The following FAM135B variants were observed in gnomAD, a reference collection of about 807,000 sequenced individuals.
FAM135B encodes family with sequence similarity 135 member B.
A neutral mutation model predicts 127.7 loss-of-function variants in FAM135B; 43 were observed. The ratio of observed to expected loss-of-function variants is 0.34; its 90% CI spans 0.26 to 0.43. The LOEUF (loss-of-function observed/expected upper bound fraction) is 0.43. Ranked by LOEUF, FAM135B falls within the 20% of genes least tolerant of loss-of-function variation. The probability of loss-of-function intolerance (pLI) is 1.00; values close to 1 mark genes in which losing one functional copy is unlikely to be tolerated. For missense variants in FAM135B, 1,558 were observed against 1,725.6 expected (o/e 0.90, Z 1.72); for synonymous variants, 670 against 665.1 (o/e 1.01, Z -0.11).
chr8:138,364,398 A>G (rs1403246507), intron 2 of FAM135B, among the ~76,000 whole-genome samples: 1 of 152,186 alleles, frequency 6.6e-6, no homozygotes, highest in East Asian at 1.9e-4. Flanking sequence ...AGACATCATT[A>G]CAAAACAGTG....
chr8:138,132,576 C>A lies in FAM135B; in HGVS notation c.*17G>T, dbSNP rs2130480048. ...ACCGATCGTAAGCATTACCAAAGAC[C>A]TGCTCCCTCAAAGCCACTACTTGAA... is the stretch of plus-strand genomic sequence containing the variant. On this transcript the variant is annotated 3_prime_UTR_variant, in exon 20 of 20. Transcript: ENST00000395297. The surrounding 1 kb of genome is among the most constrained non-coding windows in gnomAD (Gnocchi z 4.5). 1 of 1,606,946 alleles carries A rather than the reference C, an allele frequency of 6.2e-7. No individual in the cohort carries two copies. The highest frequency in any genetic ancestry group is 8.5e-7 in the Non-Finnish European group (1 of 1,173,590).
intron 19 of FAM135B, among the ~76,000 whole-genome samples, chr8:138,134,170 A>G (rs1168756823): frequency 6.6e-6 from 1 of 152,198 alleles, no homozygotes; most frequent in Admixed American, 6.5e-5. Flanking sequence ...ATAGTTAAGT[A>G]AACCATGCTT....
rs1354320884 is a variant in FAM135B at position 138,474,967 on chromosome 8, C to A, written c.-20+21704G>T. Among the ~76,000 whole-genome samples, 9 of 152,304 alleles carry A rather than the reference C, an allele frequency of 5.9e-5. No individual in the cohort carries two copies. The East Asian group carries it at 1.4e-3, about 23-fold the overall frequency. On this transcript the variant is annotated intron_variant, in intron 1 of 19. Coordinates refer to ENST00000395297, the MANE Select transcript of FAM135B (RefSeq NM_015912.4). ...TTCATTGTCAGCCTCTTGCAGGATG[C>A]TTTTCCAGACCTGTCTGTGACACGC...
In FAM135B at chr8:138,139,022, G is replaced by A. The variant is rs2130564248; in HGVS notation, c.3865C>T (p.Arg1289Cys). ...QLTFRDNADL[R>C]KCFLYQLSQK... is the part of the protein sequence containing the mutation. ...CTTAGTTGGTAGAGGAAACATTTGC[G>A]CAAATCAGCATTATCCCTGAAGGTC... Residue 1289 changes from arginine to cysteine, a missense_variant, in exon 18 of 20, where the codon CGC (arginine) becomes TGC (cysteine). Arg to Cys is a radical substitution (Grantham distance 180). This residue lies in a region of FAM135B where 194 missense variants were observed against 333.8 expected (regional missense o/e 0.58). Transcript: ENST00000395297. 6 of 1,613,652 alleles carry A rather than the reference G, an allele frequency of 3.7e-6. No individual in the cohort carries two copies. Among genetic ancestry groups the A allele is most frequent in the East Asian group, 2.2e-5 (1 of 44,874 alleles).
At chr8:138,230,117 C>T (rs548622652) in intron 7 of FAM135B, among the ~76,000 whole-genome samples, 117 of 152,290 alleles carry the variant, frequency 7.7e-4, no homozygotes, top group African/African-American at 2.5e-3. Context: ...AAACTAACTA[C>T]AAGAAAGGCT....
intron 12 of FAM135B, among the ~76,000 whole-genome samples, chr8:138,163,319 G>C (rs1178412631): frequency 6.6e-6 from 1 of 152,126 alleles, no homozygotes; most frequent in Non-Finnish European, 1.5e-5. Context: ...AATTGTCTTG[G>C]GATAGAGAGG....
At chr8:138,266,950 T>A (rs180824358) in intron 3 of FAM135B, among the ~76,000 whole-genome samples, 11 of 152,284 alleles carry the variant, frequency 7.2e-5, no homozygotes, top group African/African-American at 2.6e-4. Context: ...GCTTTTCAAT[T>A]GTGGTTACTT....
At chr8:138,348,127 CTTTTTTTTT>C (rs58289442) in intron 2 of FAM135B, among the ~76,000 whole-genome samples, 1 of 52,840 alleles carries the variant, frequency 1.9e-5, no homozygotes, top group Admixed American at 3.1e-4. Flanking sequence ...TTTTCCTCCT[CTTTTTTTTT>C]TTTTTTTTTT....
rs548021082 is a variant in FAM135B, at chr8:138,270,226, T to C, written c.158-4384A>G. Among the ~76,000 whole-genome samples the C allele has an allele frequency of 4.1e-4, 63 of 152,286 alleles. No individual in the cohort carries two copies. In the South Asian group the frequency reaches 0.013, roughly 31 times the overall value. Reference sequence around the variant, plus strand: ...TAAGAAACCAGGAACTCCTGGGAGATAGGCAACCATGGTCTTGATGACTTT... The same window carrying C: ...TAAGAAACCAGGAACTCCTGGGAGACAGGCAACCATGGTCTTGATGACTTT... On this transcript the variant is annotated intron_variant, in intron 3 of 19. Coordinates refer to ENST00000395297, the MANE Select transcript of FAM135B (RefSeq NM_015912.4).
At chr8:138,474,116 A>G (rs1411840471) in intron 1 of FAM135B, among the ~76,000 whole-genome samples, 3 of 152,198 alleles carry the variant, frequency 2.0e-5, no homozygotes, top group African/African-American at 7.2e-5. Flanking sequence ...TAGTCAACAG[A>G]AAACAATTAT....
intron 12 of FAM135B, among the ~76,000 whole-genome samples, 174 bp from the exon 13 acceptor site, chr8:138,153,390 T>G (rs1413890342): frequency 6.6e-6 from 1 of 151,950 alleles, no homozygotes; most frequent in Admixed American, 6.6e-5. Context: ...AGAAGACGGG[T>G]GATTTCTGCA....
chr8:138,480,973 T>C (rs1222088284), intron 1 of FAM135B, among the ~76,000 whole-genome samples: 1 of 152,216 alleles, frequency 6.6e-6, no homozygotes, highest in Non-Finnish European at 1.5e-5. Context: ...GAGAAAACCC[T>C]TGTCTGTTGA....
intron 1 of FAM135B, among the ~76,000 whole-genome samples, chr8:138,462,960 G>C (rs1327560722): frequency 6.6e-6 from 1 of 152,086 alleles, no homozygotes; most frequent in Non-Finnish European, 1.5e-5. Context: ...ACTAACAGCA[G>C]GCTATTTACA....
chr8:138,363,313 C>T (rs558763235), intron 2 of FAM135B, among the ~76,000 whole-genome samples: 9 of 152,208 alleles, frequency 5.9e-5, no homozygotes, highest in South Asian at 4.1e-4. Flanking sequence ...TAATTAATGC[C>T]GTAAACTTTC....
intron 7 of FAM135B, among the ~76,000 whole-genome samples, chr8:138,224,919 G>T (rs1819298893): frequency 1.3e-5 from 2 of 152,146 alleles, no homozygotes; most frequent in South Asian, 4.1e-4. Context: ...GCTGGGCAGA[G>T]GTGGGGAGAA....
At chr8:138,485,405 G>C (rs759034437) in intron 1 of FAM135B, among the ~76,000 whole-genome samples, 14 of 152,134 alleles carry the variant, frequency 9.2e-5, no homozygotes, top group Non-Finnish European at 1.6e-4. Flanking sequence ...TTTTCAGAGT[G>C]GAATGACAAT....
chr8:138,456,374 T>G (rs756402422), intron 1 of FAM135B, among the ~76,000 whole-genome samples: 1 of 152,248 alleles, frequency 6.6e-6, no homozygotes, highest in Non-Finnish European at 1.5e-5. Context: ...ATTTGCAATT[T>G]GCCAAAAACA....
chr8:138,234,992 AC>A (rs1322041280), intron 7 of FAM135B, among the ~76,000 whole-genome samples: 1 of 152,150 alleles, frequency 6.6e-6, no homozygotes, highest in African/African-American at 2.4e-5. Flanking sequence ...GTATTTTTGC[AC>A]CTGTTTGTAT....
At chr8:138,150,338 T>C (rs1213631113) in intron 13 of FAM135B, among the ~76,000 whole-genome samples, 1 of 152,204 alleles carries the variant, frequency 6.6e-6, no homozygotes, top group Non-Finnish European at 1.5e-5. Flanking sequence ...AGAGGTACAA[T>C]GATATTCATA....
Sources: allele counts gnomAD v4.1 joint callset (sites outside exome capture counted in the v4.1 genomes callset), GRCh38; gene constraint gnomAD v4.1.1; regional missense constraint gnomAD v4.1.1; non-coding constraint Gnocchi (gnomAD v3.1); transcripts MANE v1.5; gene names NCBI Gene and HGNC (gene_info 2026-07-23, HGNC 2026-07-21).